Variants in DPP10 observed in about 807,000 individuals in gnomAD.
DPP10 encodes dipeptidyl peptidase like 10.
DPP10 carries 33 observed loss-of-function variants against 120.9 expected under a neutral mutation model. The ratio of observed to expected loss-of-function variants is 0.27; its 90% confidence interval spans 0.21 to 0.37. The LOEUF (loss-of-function observed/expected upper bound fraction) is 0.37. Among genes scored for constraint, DPP10 ranks in the 10% least tolerant of loss-of-function variants. The pLI is 1.00. For synonymous variants in DPP10, 337 were observed against 326.1 expected (o/e 1.03, Z -0.36); for missense variants, 816 against 942.8 (o/e 0.87, Z 1.76).
intron 1 of DPP10, among the ~76,000 whole-genome samples, chr2:114,677,499 A>C (rs1464755541): frequency 2.0e-5 from 3 of 152,114 alleles, no homozygotes; most frequent in South Asian, 4.1e-4. Flanking sequence ...CTGCTTTTCT[A>C]TGCTGAGTGT....
At chr2:115,306,387 A>G (rs1021439565) in intron 1 of DPP10, among the ~76,000 whole-genome samples, 10 of 152,090 alleles carry the variant, frequency 6.6e-5, no homozygotes, top group African/African-American at 2.2e-4. Flanking sequence ...AGGCAAACGT[A>G]AGGAAATGGT....
intron 3 of DPP10, among the ~76,000 whole-genome samples, chr2:115,489,382 A>G (rs747193660): frequency 6.6e-6 from 1 of 151,836 alleles, no homozygotes; most frequent in African/African-American, 2.4e-5. Flanking sequence ...AGGACCCCAG[A>G]AAAACCTGAA....
chr2:114,851,096 T>C (rs556356049), intron 1 of DPP10, among the ~76,000 whole-genome samples: 1 of 152,272 alleles, frequency 6.6e-6, no homozygotes, highest in East Asian at 1.9e-4. Flanking sequence ...TCCTCATTTT[T>C]TTATTATAGA....
chr2:115,348,050 G>T (rs2063796317), intron 3 of DPP10, among the ~76,000 whole-genome samples: 1 of 152,056 alleles, frequency 6.6e-6, no homozygotes, highest in Admixed American at 6.6e-5. Context: ...TTGCTTCAGG[G>T]ATGGCAGAGA....
intron 1 of DPP10, among the ~76,000 whole-genome samples, chr2:114,728,655 C>CTT (rs1676586476): frequency 6.6e-6 from 1 of 152,114 alleles, no homozygotes; most frequent in African/African-American, 2.4e-5. Context: ...TTCAACCAGC[C>CTT]TTTGACCCTA....
chr2:114,618,898 A>C (rs1172900800), intron 1 of DPP10, among the ~76,000 whole-genome samples: 4 of 151,974 alleles, frequency 2.6e-5, no homozygotes, highest in Admixed American at 6.6e-5. Flanking sequence ...TTGCGTTGTA[A>C]TTGTCTGGAT....
rs1001796489 is a variant in DPP10 at position 115,591,494 on chromosome 2, G to A, written c.441+65522G>A. ...GTGTGGTATTATTTCTGCAGACTCT[G>A]TTCTGTTGCATTGGTCTATATCTCT... On this transcript the variant is annotated intron_variant, in intron 5 of 25. Transcript: ENST00000410059. 3.9e-5 allele frequency among the ~76,000 whole-genome samples: 6 copies of A among 152,162 alleles called. No individual in the cohort carries two copies. In the South Asian group the frequency reaches 1.2e-3, roughly 32 times the overall value.
intron 1 of DPP10, among the ~76,000 whole-genome samples, chr2:115,097,747 G>A (rs191158457): frequency 5.9e-5 from 9 of 152,292 alleles, no homozygotes; most frequent in Middle Eastern, 3.4e-3. Context: ...GAGATTGCAC[G>A]TAGAAAATAA....
At chr2:115,271,474 A>G (rs1180098146) in intron 1 of DPP10, among the ~76,000 whole-genome samples, 1 of 152,040 alleles carries the variant, frequency 6.6e-6, no homozygotes, top group East Asian at 1.9e-4. Context: ...TTTTTTCTTT[A>G]CTATTGAACA....
chr2:115,839,112 T>A (rs996269422), intron 24 of DPP10, among the ~76,000 whole-genome samples: 1 of 152,194 alleles, frequency 6.6e-6, no homozygotes, highest in African/African-American at 2.4e-5. Context: ...ATTACCTCTG[T>A]CATTGACCTT....
At chr2:114,474,248 G>T (rs374258745) in intron 1 of DPP10, among the ~76,000 whole-genome samples, 1 of 152,170 alleles carries the variant, frequency 6.6e-6, no homozygotes, top group Admixed American at 6.5e-5. Flanking sequence ...GAGCCATTGC[G>T]CCCAGCCGCT....
chr2:114,916,032 T>C (rs1044715314), intron 1 of DPP10, among the ~76,000 whole-genome samples: 4 of 149,406 alleles, frequency 2.7e-5, no homozygotes, highest in Non-Finnish European at 4.5e-5. Context: ...ATAAAAAAGA[T>C]AAAAAAAAAG....
chr2:114,471,061 A>C (rs1236422565), intron 1 of DPP10, among the ~76,000 whole-genome samples: 2 of 152,230 alleles, frequency 1.3e-5, no homozygotes, highest in African/African-American at 2.4e-5. Context: ...GAGCTTTTGC[A>C]TTAAACTATG....
Position 114,442,662 on chromosome 2 carries a change from A to C in DPP10, c.-117A>C. On this transcript the variant is annotated 5_prime_UTR_variant, in exon 1 of 26. Transcript: ENST00000410059. Reference sequence around the variant, plus strand: ...AAACAGAAGCAGCAGAAGCAACAGCAGTAGCAGCGGCAGCAGCAACAGCAG... The same window carrying C: ...AAACAGAAGCAGCAGAAGCAACAGCCGTAGCAGCGGCAGCAGCAACAGCAG... The C allele has an allele frequency of 8.9e-7, 1 of 1,126,094 alleles. No individual in the cohort carries two copies. The highest frequency in any genetic ancestry group is 1.3e-6 in the Non-Finnish European group (1 of 761,746). The allele number at this position is 1,126,094 out of a possible 1,614,324, so 69.8% of individuals were successfully genotyped here. A position where few individuals can be genotyped will look rare whatever the true frequency, so the allele number is the denominator to read the frequency against.
intron 1 of DPP10, among the ~76,000 whole-genome samples, chr2:114,805,058 C>T (rs987521605): frequency 6.6e-6 from 1 of 152,082 alleles, no homozygotes; most frequent in African/African-American, 2.4e-5. Context: ...GTGAATAAGT[C>T]TCACGAGATC....
Position 114,805,813 on chromosome 2 carries a change from A to G in DPP10, c.60+362975A>G, listed in dbSNP as rs2106302230. Among the ~76,000 whole-genome samples the G allele has an allele frequency of 2.0e-5, 3 of 152,254 alleles. No individual in the cohort carries two copies. The Middle Eastern group carries it at 0.01, about 518-fold the overall frequency. The stretch of plus-strand genomic sequence containing the variant: ...CAAGGACAATTAAATGCTTGACCTG[A>G]AAGTGACACATTGCACTTTCACTTA... On this transcript the variant is annotated intron_variant, in intron 1 of 25. Transcript: ENST00000410059.
chr2:115,064,539 G>A (rs953608397), intron 1 of DPP10: 3 of 607,474 alleles, frequency 4.9e-6, no homozygotes, highest in Non-Finnish European at 7.1e-6. Context: ...TGGCTGATAG[G>A]GGGTTAATTC....
At chr2:115,266,371 A>G (rs1267402204) in intron 1 of DPP10, among the ~76,000 whole-genome samples, 2 of 152,124 alleles carry the variant, frequency 1.3e-5, no homozygotes, top group Non-Finnish European at 1.5e-5. Flanking sequence ...CCTACGTGCT[A>G]TTGTATTTTT....
chr2:115,250,979 T>TA (rs2058727174), intron 1 of DPP10, among the ~76,000 whole-genome samples: 1 of 152,180 alleles, frequency 6.6e-6, no homozygotes, highest in Admixed American at 6.5e-5. Context: ...AGAATGAAAG[T>TA]AAGAGTCAGA....
Sources: allele counts gnomAD v4.1 joint callset (sites outside exome capture counted in the v4.1 genomes callset), GRCh38; gene constraint gnomAD v4.1.1; transcripts MANE v1.5; gene names NCBI Gene and HGNC (gene_info 2026-07-23, HGNC 2026-07-21).